The following HIVEP1 variants were observed in gnomAD, a reference collection of about 807,000 sequenced individuals.
The protein encoded by HIVEP1 is HIVEP zinc finger 1.
A neutral mutation model predicts 180.0 loss-of-function variants in HIVEP1; 36 were observed. The observed-to-expected ratio is 0.20, with a 90% CI of 0.15 to 0.26. The LOEUF is 0.26. Ranked by LOEUF, HIVEP1 falls within the 10% of genes least tolerant of loss-of-function variation. The pLI is 1.00. For synonymous variants in HIVEP1, 1,239 were observed against 1,239.0 expected (o/e 1.00, Z 0.00); for missense variants, 3,143 against 3,268.7 (o/e 0.96, Z 0.94).
At chr6:12,170,464 G>T in the HIVEP1 span, among the ~76,000 whole-genome samples, 1 of 152,156 alleles carries the variant, frequency 6.6e-6, no homozygotes, top group Admixed American at 6.5e-5. Flanking sequence ...ATCATTCCAA[G>T]CAGGAAGGAT....
At chr6:12,034,804 A>G (rs1179777165) in intron 2 of HIVEP1, among the ~76,000 whole-genome samples, 1 of 152,226 alleles carries the variant, frequency 6.6e-6, no homozygotes, top group Non-Finnish European at 1.5e-5. Flanking sequence ...AGACTTGGGT[A>G]AGGAGAGTAA....
At chr6:12,167,582 G>T (rs201615259), downstream of HIVEP1, among the ~76,000 whole-genome samples, 1 of 2,338 alleles carries the variant, frequency 4.3e-4, no homozygotes, top group Non-Finnish European at 3.9e-3. Flanking sequence ...TTATATATAC[G>T]TTATATTACA....
chr6:12,129,316 GT>G (rs1230198401), intron 4 of HIVEP1, among the ~76,000 whole-genome samples: 1 of 152,180 alleles, frequency 6.6e-6, no homozygotes. Flanking sequence ...ACTTAATGAT[GT>G]TTCTAATGGG....
chr6:12,012,252 C>A (rs1430940150), upstream of HIVEP1: 9 of 99,134 alleles, frequency 9.1e-5, no homozygotes, highest in Non-Finnish European at 1.5e-4. Context: ...GCCCCGCGCT[C>A]CCCCCCCCGC....
At chr6:12,152,320 C>G (rs1372894647) in intron 7 of HIVEP1, among the ~76,000 whole-genome samples, 2 of 152,034 alleles carry the variant, frequency 1.3e-5, no homozygotes, top group African/African-American at 4.8e-5. Flanking sequence ...CTTGTCCTCG[C>G]AGACTTGTTG....
chr6:12,134,163 A>G (rs975624920), intron 6 of HIVEP1, among the ~76,000 whole-genome samples: 2 of 152,238 alleles, frequency 1.3e-5, no homozygotes, highest in South Asian at 2.1e-4. Flanking sequence ...AGAGATCTGT[A>G]TAATGAACAC....
At chr6:12,193,835 C>T in the HIVEP1 span, among the ~76,000 whole-genome samples, 22,720 of 152,160 alleles carry the variant, frequency 0.15, 2,043 homozygotes, top group Middle Eastern at 0.23. Context: ...GTGCATAATA[C>T]GACAAATACT....
chr6:12,189,501 T>A, the HIVEP1 span, among the ~76,000 whole-genome samples: 6 of 151,188 alleles, frequency 4.0e-5, no homozygotes, highest in East Asian at 1.2e-3. Context: ...GGAAGAGACA[T>A]GTGAATGAAT....
chr6:12,025,855 C>T (rs1768546782), intron 2 of HIVEP1, among the ~76,000 whole-genome samples: 2 of 152,148 alleles, frequency 1.3e-5, no homozygotes, highest in Non-Finnish European at 1.5e-5. Context: ...GCCTGGCCAA[C>T]ATGGCGAAAC....
At chr6:12,012,258 C>G (rs1312534981), upstream of HIVEP1, 2 of 147,714 alleles carry the variant, frequency 1.4e-5, no homozygotes, top group Admixed American at 6.7e-5. Flanking sequence ...CGCTCCCCCC[C>G]CCGCCCCCCG....
In HIVEP1 at chr6:12,014,392, AAATG is replaced by A. The variant is rs1187888588; in HGVS notation, c.-103-1130_-103-1127del. On this transcript the variant is annotated intron_variant, in intron 1 of 8. Transcript: ENST00000379388. ...TTATCCAATTTTTTTTTAATCTGTA[AAATG>A]AATAAATGATAGCTACCTTCTTAGT... 2.0e-5 allele frequency among the ~76,000 whole-genome samples: 3 copies of A among 152,296 alleles called. No individual in the cohort carries two copies. In the East Asian group the frequency reaches 5.8e-4, roughly 29 times the overall value.
At chr6:12,183,123 A>G in the HIVEP1 span, among the ~76,000 whole-genome samples, 30 of 152,302 alleles carry the variant, frequency 2.0e-4, no homozygotes, top group African/African-American at 6.5e-4. Flanking sequence ...CAGCAAGAAA[A>G]ATGATTTTTT....
At position 12,123,039 on chromosome 6, in the gene HIVEP1, C is replaced by A; in HGVS notation, c.3244C>A (p.Gln1082Lys). ...KHNVTIRSDQQHKNIQLQNSH... is the reference protein window; with the variant it reads ...KHNVTIRSDQKHKNIQLQNSH... ...TAATGTTACCATAAGAAGTGACCAG[C>A]AGCATAAAAATATACAGTTGCAAAA... The change falls in exon 4 of 9, where the codon CAG becomes AAG. Residue 1082 changes from glutamine to lysine, a missense_variant. Coordinates refer to ENST00000379388, the MANE Select transcript of HIVEP1 (RefSeq NM_002114.4). The A allele has an allele frequency of 6.2e-7, 1 of 1,614,166 alleles. No homozygotes were observed. The highest frequency in any genetic ancestry group is 1.1e-5 in the South Asian group (1 of 91,084).
intron 7 of HIVEP1, among the ~76,000 whole-genome samples, chr6:12,159,394 C>CAA (rs35991222): frequency 9.1e-5 from 13 of 143,132 alleles, no homozygotes; most frequent in Non-Finnish European, 1.1e-4. Context: ...GATGCGTCTC[C>CAA]AAAAAAAAAA....
downstream of HIVEP1, among the ~76,000 whole-genome samples, chr6:12,168,195 T>TATATATACATATATAC (rs372421699): frequency 2.0e-3 from 85 of 42,980 alleles, 5 homozygotes; most frequent in African/African-American, 6.8e-3. Flanking sequence ...GATATACGTG[T>TATATATACATATATAC]ATATATACAT....
intron 2 of HIVEP1, among the ~76,000 whole-genome samples, chr6:12,055,877 G>A (rs542479679): frequency 2.0e-4 from 31 of 152,348 alleles, no homozygotes; most frequent in Non-Finnish European, 3.2e-4. Context: ...TTAAGCTAGT[G>A]CTGTTATAAA....
intron 3 of HIVEP1, among the ~76,000 whole-genome samples, chr6:12,115,632 C>A (rs1220361097): frequency 1.3e-5 from 2 of 152,118 alleles, no homozygotes; most frequent in East Asian, 3.9e-4. Context: ...ATACAGTTTT[C>A]AGTGGCTGCC....
At chr6:12,060,799 T>G (rs561489527) in intron 2 of HIVEP1, among the ~76,000 whole-genome samples, 1 of 152,266 alleles carries the variant, frequency 6.6e-6, no homozygotes, top group African/African-American at 2.4e-5. Flanking sequence ...CATTAAACGG[T>G]TGGGAAGGTA....
chr6:12,113,761 A>C (rs552683973), intron 3 of HIVEP1, among the ~76,000 whole-genome samples: 1 of 152,018 alleles, frequency 6.6e-6, no homozygotes, highest in Non-Finnish European at 1.5e-5. Context: ...TCACCTTGTC[A>C]TGCTGTTCCC....
Sources: allele counts gnomAD v4.1 joint callset (sites outside exome capture counted in the v4.1 genomes callset), GRCh38; gene constraint gnomAD v4.1.1; transcripts MANE v1.5; gene names NCBI Gene and HGNC (gene_info 2026-07-23, HGNC 2026-07-21).